Variants in ANKDD1A observed in about 807,000 individuals in gnomAD.
The protein encoded by ANKDD1A is ankyrin repeat and death domain-containing protein 1A.
Under a neutral mutation model 63.5 loss-of-function variants are expected in ANKDD1A, and 59 were observed. The ratio of observed to expected loss-of-function variants is 0.93; its 90% CI spans 0.75 to 1.15. ANKDD1A has a LOEUF of 1.15. Among genes scored for constraint, ANKDD1A ranks in the 50% most tolerant of loss-of-function variants. ANKDD1A has a pLI of 0.00. For synonymous variants in ANKDD1A, 266 were observed against 263.9 expected, an observed-to-expected ratio of 1.01 and a Z score of -0.08; for missense variants, 632 against 656.4, an observed-to-expected ratio of 0.96 and a Z score of 0.41.
chr15:64,951,621 CTTCTCTTCTT>C (rs1161409010), intron 14 of ANKDD1A, among the ~76,000 whole-genome samples: 4 of 19,216 alleles, frequency 2.1e-4, no homozygotes, highest in East Asian at 0.016. Context: ...CCTTATTCTT[CTTCTCTTCTT>C]TTCTTCTTCT....
Position 64,949,836 on chromosome 15 carries a change from C to T in ANKDD1A, c.1352-5C>T. On this transcript the variant is annotated splice_region_variant and splice_polypyrimidine_tract_variant and intron_variant, in intron 13 of 14. Transcript: ENST00000319580. ...CCTCTCTCTCTCCTCCCTCACTGTT[C>T]TCAGGCACCAGGAGCTATCAGGAGC... 2 of 1,600,722 alleles carry T rather than the reference C, an allele frequency of 1.2e-6. No individual in the cohort carries two copies. The highest frequency in any genetic ancestry group is 1.1e-5 in the South Asian group (1 of 91,054).
In ANKDD1A at chr15:64,954,593, TCTTCTC is replaced by T. The variant is rs1232519846; in HGVS notation, c.1484-2504_1484-2499del. 6.2e-3 allele frequency among the ~76,000 whole-genome samples: 864 copies of T among 139,594 alleles called. 45 individuals are homozygous for T. The South Asian group carries it at 0.13, about 21-fold the overall frequency. The allele number at this position is 139,594 out of a possible 152,430, so 91.6% of individuals were successfully genotyped here. A position where few individuals can be genotyped will look rare whatever the true frequency, so the allele number is the denominator to read the frequency against. ...GTTCTCCTTCTTCCTTATTCTTCCT[TCTTCTC>T]CTTCTTCCTCCTCCTTCCTCTTTTC... is the stretch of plus-strand genomic sequence containing the variant. On this transcript the variant is annotated intron_variant, in intron 14 of 14. Transcript: ENST00000319580.
intron 12 of ANKDD1A, among the ~76,000 whole-genome samples, chr15:64,946,225 A>C (rs566331701): frequency 2.6e-5 from 4 of 152,200 alleles, no homozygotes; most frequent in Non-Finnish European, 4.4e-5. Flanking sequence ...TGCTTCTTAA[A>C]TTCTTAAATT....
In ANKDD1A at chr15:64,926,884, C is replaced by A; in HGVS notation, c.472-17C>A. On this transcript the variant is annotated splice_polypyrimidine_tract_variant and intron_variant, in intron 5 of 14. Coordinates refer to ENST00000319580, the MANE Select transcript of ANKDD1A (RefSeq NM_182703.6). ...GACAGAGTGAGGAAGGCTCACACCGCTTCTCCTCCCGGCCAGCTGGGGAGG... is the reference window on the plus strand; with the variant it reads ...GACAGAGTGAGGAAGGCTCACACCGATTCTCCTCCCGGCCAGCTGGGGAGG... The A allele has an allele frequency of 6.2e-7, 1 of 1,613,910 alleles. No individual in the cohort carries two copies. The highest frequency in any genetic ancestry group is 8.5e-7 in the Non-Finnish European group (1 of 1,179,876).
intron 10 of ANKDD1A, 164 bp from the exon 11 acceptor site, chr15:64,943,320 A>G: frequency 6.1e-6 from 4 of 657,690 alleles, no homozygotes; most frequent in South Asian, 3.8e-5. Flanking sequence ...TGTAAAATGT[A>G]CATATAAGAT....
chr15:64,953,802 CTT>C (rs143700483), intron 14 of ANKDD1A, among the ~76,000 whole-genome samples: 3 of 132,218 alleles, frequency 2.3e-5, no homozygotes, highest in African/African-American at 8.1e-5. Flanking sequence ...TTTCTTCTTC[CTT>C]TTTTTCTTCT....
At chr15:64,922,044 T>C (rs1383398002) in intron 4 of ANKDD1A, 25 bp downstream of exon 4, 1 of 1,608,066 alleles carries the variant, frequency 6.2e-7, no homozygotes, top group Non-Finnish European at 8.5e-7. Flanking sequence ...GGTAGACCCC[T>C]GTCCCCTCGG....
At chr15:64,942,719 C>G (rs1413798363) in intron 10 of ANKDD1A, among the ~76,000 whole-genome samples, 154 bp downstream of exon 10, 3 of 147,854 alleles carry the variant, frequency 2.0e-5, no homozygotes, top group Non-Finnish European at 4.5e-5. Context: ...TAAATAGTTG[C>G]TGAAGGGAAT....
intron 1 of ANKDD1A, among the ~76,000 whole-genome samples, chr15:64,913,502 A>T (rs1044785292): frequency 2.0e-5 from 3 of 152,122 alleles, no homozygotes; most frequent in Admixed American, 6.5e-5. Context: ...TTAACCTTGT[A>T]GGGAAGCTCG....
chr15:64,935,169 A>G (rs1039570421), intron 9 of ANKDD1A, among the ~76,000 whole-genome samples: 1 of 150,178 alleles, frequency 6.7e-6, no homozygotes, highest in African/African-American at 2.5e-5. Flanking sequence ...TTGAGGCCAC[A>G]GTGAGCCATG....
rs371665011 is a variant in ANKDD1A at position 64,952,337 on chromosome 15, CCTT to C, written c.1483+2372_1483+2374del. ...TTTTTCTTTCTTCCTTCTTCCTTCT[CCTT>C]CTTCTTAGTTCTTCCTCCTTCTTCT... On this transcript the variant is annotated intron_variant, in intron 14 of 14. Transcript: ENST00000319580. Among the ~76,000 whole-genome samples, 996 of 141,528 alleles carry C rather than the reference CCTT, an allele frequency of 7.0e-3. 10 individuals are homozygous for C. Among genetic ancestry groups the C allele is most frequent in the African/African-American group, 0.023 (884 of 37,820 alleles). The allele number at this position is 141,528 out of a possible 152,430, so 92.8% of individuals were successfully genotyped here.
chr15:64,934,269 T>C (rs924847421), intron 9 of ANKDD1A, 35 bp downstream of exon 9: 4 of 1,580,022 alleles, frequency 2.5e-6, no homozygotes, highest in African/African-American at 2.7e-5. Context: ...GGGGTCTCCA[T>C]TGCAAAGCCT....
intron 12 of ANKDD1A, among the ~76,000 whole-genome samples, chr15:64,946,190 A>G (rs1186321875): frequency 6.6e-6 from 1 of 152,216 alleles, no homozygotes; most frequent in African/African-American, 2.4e-5. Context: ...TTAATATAAC[A>G]GATTTTCTTT....
Position 64,911,979 on chromosome 15 carries a change from AGGAG to A in ANKDD1A, c.34+22_34+25del. On this transcript the variant is annotated intron_variant, in intron 1 of 14. Coordinates refer to ENST00000319580, the MANE Select transcript of ANKDD1A (RefSeq NM_182703.6). Reference sequence around the variant, plus strand: ...GACCGACGGCCGTGAGTCTGCCTGGAGGAGGGAGGGGGGCGGGCCGAGGCCGAGA... The same window carrying A: ...GACCGACGGCCGTGAGTCTGCCTGGAGGAGGGGGGCGGGCCGAGGCCGAGA... The A allele has an allele frequency of 3.3e-6, 1 of 299,520 alleles. No homozygotes were observed. The highest frequency in any genetic ancestry group is 5.4e-6 in the Non-Finnish European group (1 of 185,724). The allele number at this position is 299,520 out of a possible 1,614,324, so 18.6% of individuals were successfully genotyped here.
intron 12 of ANKDD1A, among the ~76,000 whole-genome samples, chr15:64,945,410 G>A (rs1879928): frequency 0.52 from 78,681 of 151,246 alleles, 21,461 homozygotes; most frequent in East Asian, 0.83. Flanking sequence ...TTGAGTACCT[G>A]TACAGCCATG....
intron 14 of ANKDD1A, chr15:64,950,196 C>T (rs780864940): frequency 1.2e-5 from 12 of 985,398 alleles, no homozygotes; most frequent in Non-Finnish European, 1.4e-5. Flanking sequence ...CAAACTGAAC[C>T]CTGTGACCTT....
intron 14 of ANKDD1A, among the ~76,000 whole-genome samples, chr15:64,954,581 CTTA>C (rs2085391123): frequency 7.3e-6 from 1 of 136,150 alleles, no homozygotes; most frequent in Non-Finnish European, 1.6e-5. Context: ...CTCCTTCTTC[CTTA>C]TTCTTCCTTC....
In ANKDD1A at chr15:64,917,570, C is replaced by G. The variant is rs2084978560; in HGVS notation, c.267+56C>G. ...GTGGTGGGGGGCACTGGAGATCTCT[C>G]TGGGTCTATGAGCCAGTTGCCGAGA... is the stretch of plus-strand genomic sequence containing the variant. On this transcript the variant is annotated intron_variant, in intron 3 of 14. Coordinates refer to ENST00000319580, the MANE Select transcript of ANKDD1A (RefSeq NM_182703.6). 2.0e-6 allele frequency: 3 copies of G among 1,524,414 alleles called. No homozygotes were observed. In the Admixed American group the frequency reaches 6.1e-5, roughly 31 times the overall value. 94.4% of individuals were successfully genotyped at this position (1,524,414 alleles called of 1,614,324 possible).
Position 64,952,584 on chromosome 15 carries a change from TCTTC to T in ANKDD1A, c.1483+2613_1483+2616del, listed in dbSNP as rs751054907. 1.4e-3 allele frequency among the ~76,000 whole-genome samples: 137 copies of T among 98,710 alleles called. No individual in the cohort carries two copies. The East Asian group carries it at 0.027, about 20-fold the overall frequency. 64.8% of individuals were successfully genotyped at this position (98,710 alleles called of 152,430 possible). ...TCCTTCGTTCTTCTTCTCCTTCTTT[TCTTC>T]TTCTTCCTTCGTCTTCTTCTTCCTC... On this transcript the variant is annotated intron_variant, in intron 14 of 14. Transcript: ENST00000319580.
Sources: gnomAD v4.1 joint callset for allele counts (sites outside exome capture counted in the v4.1 genomes callset) on GRCh38, gnomAD v4.1.1 for gene constraint, MANE v1.5 for transcripts, NCBI Gene and HGNC (gene_info 2026-07-23, HGNC 2026-07-21) for gene names.